The following RNF150 variants were observed in gnomAD, a reference collection of about 807,000 sequenced individuals.
RNF150 encodes ring finger protein 150.
In RNF150, 24 loss-of-function variants were observed where a neutral mutation model predicts 39.3. The observed-to-expected ratio is 0.61, with a 90% CI of 0.44 to 0.86. The LOEUF is 0.86. Among genes scored for constraint, RNF150 ranks in the 40% least tolerant of loss-of-function variants. RNF150 has a pLI of 0.00. For synonymous variants in RNF150, 255 were observed against 227.3 expected, an observed-to-expected ratio of 1.12 and a Z score of -1.10; for missense variants, 502 against 587.8, an observed-to-expected ratio of 0.85 and a Z score of 1.51.
At chr4:141,051,271 G>A (rs1560710539) in intron 1 of RNF150, among the ~76,000 whole-genome samples, 1 of 152,170 alleles carries the variant, frequency 6.6e-6, no homozygotes, top group East Asian at 1.9e-4. Flanking sequence ...GGGCTGCCAT[G>A]AAGACCTCTG....
chr4:141,177,054 G>GAAAA (rs5862514), intron 1 of RNF150, among the ~76,000 whole-genome samples: 8 of 111,686 alleles, frequency 7.2e-5, no homozygotes, highest in African/African-American at 2.0e-4. Flanking sequence ...TGTCTCCTAG[G>GAAAA]AAAAAAAAAA....
At chr4:140,939,884 C>T (rs558078818) in intron 4 of RNF150, among the ~76,000 whole-genome samples, 9 of 152,300 alleles carry the variant, frequency 5.9e-5, no homozygotes, top group African/African-American at 2.2e-4. Context: ...TGGTTTACCC[C>T]TGAATCTCTG....
At chr4:141,138,334 T>C (rs1727060177), upstream of RNF150, among the ~76,000 whole-genome samples, 1 of 152,176 alleles carries the variant, frequency 6.6e-6, no homozygotes, top group South Asian at 2.1e-4. Context: ...ACAGGCATTT[T>C]TTGATGCCTG....
At chr4:140,890,727 T>A (rs920894989) in intron 6 of RNF150, among the ~76,000 whole-genome samples, 6 of 152,214 alleles carry the variant, frequency 3.9e-5, no homozygotes, top group African/African-American at 1.4e-4. Context: ...GAGAAATAAA[T>A]GTCTGTTCTT....
chr4:141,048,785 G>C (rs1736673570), intron 1 of RNF150, among the ~76,000 whole-genome samples: 1 of 152,096 alleles, frequency 6.6e-6, no homozygotes, highest in African/African-American at 2.4e-5. Flanking sequence ...AGAATTGGCT[G>C]TTGCAACTAT....
At chr4:141,169,190 G>A (rs2111169647) in intron 1 of RNF150, among the ~76,000 whole-genome samples, 1 of 152,186 alleles carries the variant, frequency 6.6e-6, no homozygotes, top group South Asian at 2.1e-4. Flanking sequence ...TATAGCGTGT[G>A]AGTTCTCATG....
At position 140,875,423 on chromosome 4, in the gene RNF150, C is replaced by G. The variant is rs192379891; in HGVS notation, c.1199-7044G>C. Among the ~76,000 whole-genome samples, 608 of 152,262 alleles carry G rather than the reference C, an allele frequency of 4.0e-3. 2 individuals are homozygous for G. The highest frequency in any genetic ancestry group is 7.0e-3 in the Non-Finnish European group (476 of 68,024). On this transcript the variant is annotated intron_variant, in intron 6 of 6. Coordinates refer to ENST00000515673, the MANE Select transcript of RNF150 (RefSeq NM_020724.2). ...AATTCCTGGCTTCAAGCCATCCTCC[C>G]ACCTTGGTCTCCAAAGCACCAGGAT...
intron 1 of RNF150, among the ~76,000 whole-genome samples, chr4:141,143,996 AT>A (rs1302494428): frequency 1.3e-5 from 2 of 152,004 alleles, no homozygotes; most frequent in African/African-American, 4.8e-5. Flanking sequence ...TATATACCCT[AT>A]TTACTTGCTT....
chr4:140,910,614 T>G, intron 6 of RNF150, among the ~76,000 whole-genome samples: 1 of 152,160 alleles, frequency 6.6e-6, no homozygotes, highest in East Asian at 1.9e-4. Flanking sequence ...AGGGATGCCA[T>G]TCACATCCAC....
chr4:141,110,122 T>C (rs1337458704), intron 1 of RNF150, among the ~76,000 whole-genome samples: 3 of 152,092 alleles, frequency 2.0e-5, no homozygotes, highest in Admixed American at 2.0e-4. Context: ...CACCCCAAAA[T>C]ATTTAGGACT....
chr4:141,015,998 C>A (rs908682008), intron 1 of RNF150, among the ~76,000 whole-genome samples: 1 of 152,150 alleles, frequency 6.6e-6, no homozygotes, highest in Non-Finnish European at 1.5e-5. Context: ...ACACTCTCCA[C>A]GTCCTGAATT....
At chr4:141,084,167 T>C (rs1217177172) in intron 1 of RNF150, among the ~76,000 whole-genome samples, 3 of 152,210 alleles carry the variant, frequency 2.0e-5, no homozygotes, top group Non-Finnish European at 4.4e-5. Flanking sequence ...TTAATGACAA[T>C]ATCAGCTTAG....
chr4:141,194,946 T>A (rs1163976564), intron 1 of RNF150, among the ~76,000 whole-genome samples: 1 of 152,150 alleles, frequency 6.6e-6, no homozygotes, highest in Non-Finnish European at 1.5e-5. Context: ...AATTAAAACA[T>A]GTAAAAGTTT....
chr4:140,988,923 T>G (rs962961661), intron 1 of RNF150, among the ~76,000 whole-genome samples: 2 of 152,184 alleles, frequency 1.3e-5, no homozygotes, highest in Non-Finnish European at 2.9e-5. Flanking sequence ...AAACACTGCA[T>G]GTTCTCACTC....
At chr4:141,004,527 C>G (rs73860221) in intron 1 of RNF150, among the ~76,000 whole-genome samples, 10 of 152,266 alleles carry the variant, frequency 6.6e-5, no homozygotes, top group Non-Finnish European at 1.3e-4. Context: ...ACATTGCTAA[C>G]AGAATTATGT....
chr4:140,939,483 G>GA (rs1295009273), intron 4 of RNF150, among the ~76,000 whole-genome samples: 2 of 152,130 alleles, frequency 1.3e-5, no homozygotes, highest in Non-Finnish European at 2.9e-5. Flanking sequence ...TTTACCAATA[G>GA]AATCAGTTAT....
At chr4:140,914,477 C>T (rs1399624066) in intron 5 of RNF150, among the ~76,000 whole-genome samples, 1 of 152,184 alleles carries the variant, frequency 6.6e-6, no homozygotes, top group Non-Finnish European at 1.5e-5. Flanking sequence ...AAAGCAACTG[C>T]TAAATAGAAT....
intron 2 of RNF150, among the ~76,000 whole-genome samples, chr4:140,953,005 T>C (rs1011533315): frequency 2.0e-5 from 3 of 152,238 alleles, no homozygotes; most frequent in Admixed American, 6.5e-5. Context: ...CTGTACAGCA[T>C]GTACTGAATA....
intron 4 of RNF150, among the ~76,000 whole-genome samples, chr4:140,939,461 G>A (rs1406332040): frequency 1.3e-5 from 2 of 152,248 alleles, no homozygotes; most frequent in Non-Finnish European, 2.9e-5. Flanking sequence ...AAAGAGGAAG[G>A]GTAACACAGT....
Sources: gnomAD v4.1 joint callset for allele counts (sites outside exome capture counted in the v4.1 genomes callset) on GRCh38, gnomAD v4.1.1 for gene constraint, MANE v1.5 for transcripts, NCBI Gene and HGNC (gene_info 2026-07-23, HGNC 2026-07-21) for gene names.